ADK: variants seen among roughly 807,000 people sequenced by gnomAD.
The protein encoded by ADK is N6,N6-dimethyladenosine kinase.
A neutral mutation model predicts 44.7 loss-of-function variants in ADK; 24 were observed. That is an observed-to-expected ratio of 0.54 (90% confidence interval 0.39 to 0.76). The LOEUF (loss-of-function observed/expected upper bound fraction) is 0.76, where lower values mean the gene tolerates loss of function less well. Among genes scored for constraint, ADK ranks in the 30% least tolerant of loss-of-function variants. The pLI is 0.00. For missense variants in ADK, 321 were observed against 425.1 expected, an observed-to-expected ratio of 0.76 and a Z score of 2.15; for synonymous variants, 128 against 142.6, an observed-to-expected ratio of 0.90 and a Z score of 0.73.
chr10:74,405,510 G>T (rs1326506528), intron 6 of ADK, among the ~76,000 whole-genome samples: 2 of 150,924 alleles, frequency 1.3e-5, no homozygotes, highest in African/African-American at 4.9e-5. Context: ...TAGGGTACAC[G>T]TGCACAACAT....
chr10:74,525,108 C>T (rs1269329349), intron 6 of ADK, 148 bp from the exon 7 acceptor site: 7 of 734,838 alleles, frequency 9.5e-6, no homozygotes, highest in African/African-American at 3.6e-5. Context: ...GATCAAATAT[C>T]CTTCCAGTCA....
At chr10:74,176,932 C>T in intron 1 of ADK, 2 of 1,606,426 alleles carry the variant, frequency 1.2e-6, no homozygotes, top group Non-Finnish European at 8.5e-7. Flanking sequence ...TGGGCGTTAG[C>T]CTCCCGAGCG....
chr10:74,253,059 T>A (rs1395628386), intron 3 of ADK, among the ~76,000 whole-genome samples: 1 of 152,190 alleles, frequency 6.6e-6, no homozygotes, highest in Non-Finnish European at 1.5e-5. Context: ...GATACATAGA[T>A]GTAGTTTTGC....
chr10:74,577,110 C>CTCTGTGTG (rs1554883617), intron 7 of ADK, among the ~76,000 whole-genome samples: 30 of 137,410 alleles, frequency 2.2e-4, no homozygotes, highest in African/African-American at 5.4e-4. Flanking sequence ...TATTATTTCT[C>CTCTGTGTG]TGTGTGTGTG....
At chr10:74,333,712 CTGT>C (rs1363084233) in intron 4 of ADK, among the ~76,000 whole-genome samples, 1 of 151,968 alleles carries the variant, frequency 6.6e-6, no homozygotes, top group Non-Finnish European at 1.5e-5. Context: ...TTCTCAAAAA[CTGT>C]TGTAAGAAAA....
intron 10 of ADK, among the ~76,000 whole-genome samples, chr10:74,692,304 C>T (rs1252161448): frequency 6.6e-6 from 1 of 151,912 alleles, no homozygotes; most frequent in African/African-American, 2.4e-5. Flanking sequence ...CATGGTGAAA[C>T]CCTGTCTCTA....
chr10:74,632,931 TC>T (rs1221033711), intron 9 of ADK, among the ~76,000 whole-genome samples: 3 of 152,228 alleles, frequency 2.0e-5, no homozygotes, highest in Non-Finnish European at 2.9e-5. Context: ...GTTTGTTTTT[TC>T]CTTTTTTCAG....
At chr10:74,292,078 A>G (rs1387496876) in intron 3 of ADK, among the ~76,000 whole-genome samples, 1 of 152,072 alleles carries the variant, frequency 6.6e-6, no homozygotes. Flanking sequence ...TCTCAAATGT[A>G]TTTATTTAAC....
chr10:74,340,671 A>G (rs1210810107), intron 4 of ADK, among the ~76,000 whole-genome samples: 3 of 152,202 alleles, frequency 2.0e-5, no homozygotes, highest in African/African-American at 7.2e-5. Context: ...AAATTCAGTA[A>G]GAACACATAT....
chr10:74,665,043 G>T (rs942162629), intron 9 of ADK, among the ~76,000 whole-genome samples: 12 of 152,078 alleles, frequency 7.9e-5, no homozygotes, highest in African/African-American at 2.9e-4. Flanking sequence ...GTATTAAGGG[G>T]TAAAAGGCAT....
At chr10:74,595,391 T>G in intron 8 of ADK, among the ~76,000 whole-genome samples, 1 of 8,604 alleles carries the variant, frequency 1.2e-4, no homozygotes, top group Non-Finnish European at 6.8e-4. Flanking sequence ...TTTTTTTTTT[T>G]TGGGGAGGGG....
At chr10:74,443,894 G>A (rs1442410988) in intron 6 of ADK, among the ~76,000 whole-genome samples, 2 of 152,002 alleles carry the variant, frequency 1.3e-5, no homozygotes, top group Non-Finnish European at 2.9e-5. Flanking sequence ...TGTTATTATT[G>A]CTATTTTATT....
At chr10:74,380,522 G>A (rs2132002705) in intron 4 of ADK, among the ~76,000 whole-genome samples, 1 of 152,180 alleles carries the variant, frequency 6.6e-6, no homozygotes, top group African/African-American at 2.4e-5. Context: ...CTTTGGGGAG[G>A]CTGAGACGGG....
chr10:74,237,120 T>C (rs7098337), intron 3 of ADK, among the ~76,000 whole-genome samples: 7,529 of 152,316 alleles, frequency 0.049, 650 homozygotes, highest in African/African-American at 0.17. Flanking sequence ...TAATATGCAA[T>C]GCTGTCTGAT....
At chr10:74,245,686 G>A (rs1252472481) in intron 3 of ADK, among the ~76,000 whole-genome samples, 1 of 151,734 alleles carries the variant, frequency 6.6e-6, no homozygotes, top group Non-Finnish European at 1.5e-5. Context: ...TGCCTCCCAG[G>A]TTCAAGCAAT....
At chr10:74,172,689 C>CAAA (rs67914966) in intron 1 of ADK, among the ~76,000 whole-genome samples, 5 of 66,290 alleles carry the variant, frequency 7.5e-5, no homozygotes, top group African/African-American at 1.2e-4. Flanking sequence ...AACTCCATCT[C>CAAA]AAAAAAAAAA....
At chr10:74,408,801 G>A (rs1348767958) in intron 6 of ADK, among the ~76,000 whole-genome samples, 1 of 152,084 alleles carries the variant, frequency 6.6e-6, no homozygotes, top group Non-Finnish European at 1.5e-5. Context: ...TCATCATAAA[G>A]GTCTTTATCT....
Position 74,257,819 on chromosome 10 carries a change from A to T in ADK, c.194+33228A>T, listed in dbSNP as rs567918401. On this transcript the variant is annotated intron_variant, in intron 3 of 10. Transcript: ENST00000539909. ...ACTGTAAATAAACGATTAGCAATGA[A>T]CATTACAGTGAGAGCTGATAGTTTA... 2.6e-5 allele frequency among the ~76,000 whole-genome samples: 4 copies of T among 152,350 alleles called. No individual in the cohort carries two copies. The East Asian group carries it at 7.7e-4, about 29-fold the overall frequency.
At chr10:74,260,612 C>T (rs1360366332) in intron 3 of ADK, among the ~76,000 whole-genome samples, 1 of 152,174 alleles carries the variant, frequency 6.6e-6, no homozygotes, top group Non-Finnish European at 1.5e-5. Flanking sequence ...GACTCTTTAT[C>T]TCACACCACT....
Sources: gnomAD v4.1 joint callset for allele counts (sites outside exome capture counted in the v4.1 genomes callset) on GRCh38, gnomAD v4.1.1 for gene constraint, MANE v1.5 for transcripts, NCBI Gene and HGNC (gene_info 2026-07-23, HGNC 2026-07-21) for gene names.